The following IL1RL2 variants were observed in gnomAD, a reference collection of about 807,000 sequenced individuals.
IL1RL2 encodes the protein interleukin-1 receptor-like 2.
IL1RL2 carries 68 observed loss-of-function variants against 66.8 expected under a neutral mutation model. The observed-to-expected ratio is 1.02, with a 90% CI of 0.84 to 1.25. The LOEUF is 1.25. Among genes scored for constraint, IL1RL2 ranks in the 50% most tolerant of loss-of-function variants. The pLI, the probability that IL1RL2 is intolerant of heterozygous loss-of-function variation, is 0.00. For synonymous variants in IL1RL2, 305 were observed against 264.6 expected (o/e 1.15, Z -1.48); for missense variants, 729 against 709.3 (o/e 1.03, Z -0.32).
chr2:102,206,918 G>GT (rs1688755347), intron 5 of IL1RL2, among the ~76,000 whole-genome samples: 1 of 152,172 alleles, frequency 6.6e-6, no homozygotes, highest in Non-Finnish European at 1.5e-5. Context: ...TCTACCAAGT[G>GT]TTTTTTTGTA....
At chr2:102,242,436 T>A (rs1344852577), downstream of IL1RL2, among the ~76,000 whole-genome samples, 4 of 152,114 alleles carry the variant, frequency 2.6e-5, no homozygotes, top group Non-Finnish European at 5.9e-5. Flanking sequence ...CACAATCCAC[T>A]CTCTGTGGGC....
At chr2:102,237,425 TCAGCCAGCCCG>T (rs1190859819) in intron 11 of IL1RL2, among the ~76,000 whole-genome samples, 4 of 152,200 alleles carry the variant, frequency 2.6e-5, no homozygotes, top group African/African-American at 9.7e-5. Flanking sequence ...CGAAGCGTCC[TCAGCCAGCCCG>T]CAGCCACCCT....
At chr2:102,242,814 A>G (rs934208840), downstream of IL1RL2, among the ~76,000 whole-genome samples, 3 of 152,216 alleles carry the variant, frequency 2.0e-5, no homozygotes, top group Admixed American at 6.5e-5. Flanking sequence ...AAACCATCAC[A>G]TGGATGTTTA....
intron 4 of IL1RL2, 41 bp from the exon 5 acceptor site, chr2:102,201,515 T>C: frequency 1.3e-6 from 2 of 1,579,254 alleles, no homozygotes; most frequent in Non-Finnish European, 1.7e-6. Context: ...CACAGGTTTC[T>C]AAGTATTCAT....
chr2:102,236,472 G>A (rs934662457), intron 11 of IL1RL2, among the ~76,000 whole-genome samples: 2 of 152,218 alleles, frequency 1.3e-5, no homozygotes, highest in African/African-American at 4.8e-5. Context: ...AAGAGTTTAT[G>A]TTCCAAGGTG....
rs1006312262 is a variant in IL1RL2, at chr2:102,232,998, A to G, written c.1171A>G (p.Lys391Glu). Residue 391 changes from lysine to glutamate, a missense_variant, in exon 10 of 12, where the codon AAG becomes GAG. Coordinates refer to ENST00000264257, the MANE Select transcript of IL1RL2 (RefSeq NM_003854.4). ...GTATGACGCCTATGTCTTATACCCC[A>G]AGCCCCACAAGGAAAGCCAGAGGCA... is the stretch of plus-strand genomic sequence containing the variant. ...KLYDAYVLYPKPHKESQRHAV... is the reference protein window; with the variant it reads ...KLYDAYVLYPEPHKESQRHAV... The G allele has an allele frequency of 1.2e-6, 2 of 1,614,116 alleles. No individual in the cohort carries two copies. Among genetic ancestry groups the G allele is most frequent in the Non-Finnish European group, 1.7e-6 (2 of 1,179,998 alleles).
intron 4 of IL1RL2, among the ~76,000 whole-genome samples, chr2:102,194,839 C>T (rs1466150551): frequency 6.6e-6 from 1 of 152,082 alleles, no homozygotes; most frequent in Non-Finnish European, 1.5e-5. Context: ...CCTTGAACCC[C>T]TGGGCTCGAG....
intron 11 of IL1RL2, among the ~76,000 whole-genome samples, chr2:102,237,267 C>T (rs1674966546): frequency 6.6e-6 from 1 of 152,230 alleles, no homozygotes; most frequent in Admixed American, 6.5e-5. Context: ...CCCAAATCCT[C>T]ACCAAACCAC....
chr2:102,187,462 G>A, intron 1 of IL1RL2: 1 of 976,864 alleles, frequency 1.0e-6, no homozygotes, highest in Non-Finnish European at 1.3e-6. Context: ...GCCGCGAGCG[G>A]GGTTGGGGTC....
chr2:102,229,403 T>G (rs937297262), intron 9 of IL1RL2, among the ~76,000 whole-genome samples: 1 of 152,228 alleles, frequency 6.6e-6, no homozygotes, highest in Non-Finnish European at 1.5e-5. Flanking sequence ...CTCCCATTTC[T>G]CATTTTAGTC....
chr2:102,232,561 A>G (rs1258514582), intron 9 of IL1RL2, among the ~76,000 whole-genome samples: 1 of 152,194 alleles, frequency 6.6e-6, no homozygotes, highest in Non-Finnish European at 1.5e-5. Flanking sequence ...CCTGGCCTCA[A>G]GCTATCCTCC....
At chr2:102,232,286 T>C (rs1250712409) in intron 9 of IL1RL2, among the ~76,000 whole-genome samples, 1 of 151,974 alleles carries the variant, frequency 6.6e-6, no homozygotes, top group Non-Finnish European at 1.5e-5. Context: ...TAATTTTTTG[T>C]ATTTTTAGTA....
intron 11 of IL1RL2, 81 bp downstream of exon 11, chr2:102,235,358 G>A: frequency 6.5e-7 from 1 of 1,544,760 alleles, no homozygotes; most frequent in Non-Finnish European, 8.7e-7. Flanking sequence ...GCTGGAGGAG[G>A]ACACGTTTCA....
At chr2:102,201,215 C>T (rs7596051) in intron 4 of IL1RL2, among the ~76,000 whole-genome samples, 1,934 of 152,174 alleles carry the variant, frequency 0.013, 15 homozygotes, top group African/African-American at 0.025. Context: ...TTCCAACTCA[C>T]GTAGGCCACT....
At chr2:102,194,912 T>A (rs994855079) in intron 4 of IL1RL2, among the ~76,000 whole-genome samples, 24 of 152,182 alleles carry the variant, frequency 1.6e-4, no homozygotes, top group African/African-American at 5.8e-4. Flanking sequence ...GTATCATTTT[T>A]TTTTTTCTGT....
chr2:102,203,330 A>C (rs915921304), intron 5 of IL1RL2, among the ~76,000 whole-genome samples: 2 of 144,804 alleles, frequency 1.4e-5, no homozygotes, highest in African/African-American at 5.0e-5. Context: ...ATACTTGCCT[A>C]TAGTTTTCTC....
intron 6 of IL1RL2, among the ~76,000 whole-genome samples, chr2:102,214,464 G>C (rs1689435498): frequency 6.6e-6 from 1 of 152,014 alleles, no homozygotes; most frequent in African/African-American, 2.4e-5. Context: ...AAACAGTAAG[G>C]AACAACTGAA....
intron 4 of IL1RL2, among the ~76,000 whole-genome samples, chr2:102,194,907 AT>A (rs56052426): frequency 0.27 from 40,269 of 147,856 alleles, 6,257 homozygotes; most frequent in East Asian, 0.39. Context: ...AGGAGGTATC[AT>A]TTTTTTTTTT....
At chr2:102,193,920 A>G (rs1687445343) in intron 4 of IL1RL2, among the ~76,000 whole-genome samples, 1 of 152,096 alleles carries the variant, frequency 6.6e-6, no homozygotes, top group Non-Finnish European at 1.5e-5. Context: ...ATATATTTAT[A>G]TATCCTGGGT....
Sources: allele counts gnomAD v4.1 joint callset (sites outside exome capture counted in the v4.1 genomes callset), GRCh38; gene constraint gnomAD v4.1.1; transcripts MANE v1.5; gene names NCBI Gene and HGNC (gene_info 2026-07-23, HGNC 2026-07-21).